GAB1: variants seen among roughly 807,000 people sequenced by gnomAD.
The protein encoded by GAB1 is GRB2 associated binding protein 1, also known as GRB2-associated-binding protein 1.
A neutral mutation model predicts 66.5 loss-of-function variants in GAB1; 19 were observed. The observed-to-expected ratio is 0.29, with a 90% confidence interval of 0.20 to 0.42. GAB1 has a LOEUF of 0.42. GAB1 is among the 10% of genes least tolerant of loss of function. The pLI is 1.00. For missense variants in GAB1, 732 were observed against 858.5 expected (o/e 0.85, Z 1.84); for synonymous variants, 294 against 301.4 (o/e 0.98, Z 0.25).
intron 1 of GAB1, among the ~76,000 whole-genome samples, chr4:143,414,407 G>A (rs1351456622): frequency 6.6e-6 from 1 of 152,144 alleles, no homozygotes; most frequent in Non-Finnish European, 1.5e-5. Context: ...GCTTCTCTAG[G>A]TATAGTATTA....
intron 1 of GAB1, among the ~76,000 whole-genome samples, chr4:143,390,925 C>T (rs1015747064): frequency 6.6e-6 from 1 of 152,076 alleles, no homozygotes. Context: ...AGGCAGCATG[C>T]GCAATGTCTT....
At chr4:143,378,629 G>GTCTCTCTCTCTCTCTCTCTCTCTCTC (rs3049720) in intron 1 of GAB1, among the ~76,000 whole-genome samples, 1 of 129,150 alleles carries the variant, frequency 7.7e-6, no homozygotes, top group Non-Finnish European at 1.6e-5. Context: ...CTTCCAAAGT[G>GTCTCTCTCTCTCTCTCTCTCTCTCTC]TCTCTCTCTC....
chr4:143,449,102 G>C (rs1490326293), intron 6 of GAB1, among the ~76,000 whole-genome samples: 3 of 145,844 alleles, frequency 2.1e-5, no homozygotes, highest in Admixed American at 1.3e-4. Context: ...GAGCAGTTTT[G>C]AGTGAGTTTC....
At chr4:143,392,202 G>A (rs1731219077) in intron 1 of GAB1, among the ~76,000 whole-genome samples, 1 of 152,050 alleles carries the variant, frequency 6.6e-6, no homozygotes, top group South Asian at 2.1e-4. Context: ...AAGTTAATAG[G>A]GAAGAAAGTA....
At chr4:143,364,718 C>T (rs2149659926) in intron 1 of GAB1, among the ~76,000 whole-genome samples, 1 of 152,072 alleles carries the variant, frequency 6.6e-6, no homozygotes, top group South Asian at 2.1e-4. Context: ...TGATTCCTTT[C>T]TCTTCACTCC....
At chr4:143,337,347 C>G in intron 1 of GAB1, 87 bp downstream of exon 1, 3 of 1,144,606 alleles carry the variant, frequency 2.6e-6, no homozygotes, top group South Asian at 2.7e-5. Context: ...GCTGGCCGCG[C>G]GCGGGGCTGG....
At chr4:143,407,905 A>C (rs1236531935) in intron 1 of GAB1, among the ~76,000 whole-genome samples, 2 of 152,186 alleles carry the variant, frequency 1.3e-5, no homozygotes, top group African/African-American at 2.4e-5. Context: ...TAATTCCTAA[A>C]GTGCTTATTT....
At chr4:143,343,860 C>G (rs891968020) in intron 1 of GAB1, among the ~76,000 whole-genome samples, 10 of 152,136 alleles carry the variant, frequency 6.6e-5, no homozygotes, top group Admixed American at 4.6e-4. Flanking sequence ...TCCCAGCACC[C>G]CAGTTTCATG....
chr4:143,452,878 A>G (rs771072174), intron 6 of GAB1, among the ~76,000 whole-genome samples: 1 of 152,180 alleles, frequency 6.6e-6, no homozygotes, highest in Non-Finnish European at 1.5e-5. Flanking sequence ...TTATTCTCAG[A>G]ATTTAAGAGT....
chr4:143,383,433 G>A (rs1284919353), intron 1 of GAB1, among the ~76,000 whole-genome samples: 1 of 152,152 alleles, frequency 6.6e-6, no homozygotes, highest in Non-Finnish European at 1.5e-5. Context: ...TTTATGCTTA[G>A]TTCCTTTAAA....
At chr4:143,429,766 T>C (rs1287556296) in intron 2 of GAB1, among the ~76,000 whole-genome samples, 1 of 152,232 alleles carries the variant, frequency 6.6e-6, no homozygotes, top group East Asian at 1.9e-4. Context: ...AATTGCATCC[T>C]GTTGCAAAAG....
intron 2 of GAB1, among the ~76,000 whole-genome samples, chr4:143,423,675 G>A (rs1048801924): frequency 6.6e-6 from 1 of 150,518 alleles, no homozygotes; most frequent in Non-Finnish European, 1.5e-5. Context: ...TACTCGGGAG[G>A]CTGAGGCAGG....
At chr4:143,374,814 T>C (rs1401188633) in intron 1 of GAB1, among the ~76,000 whole-genome samples, 2 of 152,226 alleles carry the variant, frequency 1.3e-5, no homozygotes, top group African/African-American at 4.8e-5. Flanking sequence ...CAAAGTATTC[T>C]AGGAAGCAAG....
chr4:143,452,822 C>T (rs1272014313), intron 6 of GAB1, among the ~76,000 whole-genome samples: 1 of 152,214 alleles, frequency 6.6e-6, no homozygotes, highest in Non-Finnish European at 1.5e-5. Flanking sequence ...CAAGTTGTAA[C>T]TAACTGCCTT....
At chr4:143,370,224 G>T (rs1730057863) in intron 1 of GAB1, among the ~76,000 whole-genome samples, 1 of 152,194 alleles carries the variant, frequency 6.6e-6, no homozygotes, top group African/African-American at 2.4e-5. Context: ...GAAAGAGGAG[G>T]AAATGTTATC....
intron 1 of GAB1, among the ~76,000 whole-genome samples, chr4:143,401,146 A>C (rs988638568): frequency 2.6e-5 from 4 of 152,288 alleles, no homozygotes; most frequent in Non-Finnish European, 5.9e-5. Context: ...GATAACTATA[A>C]GTAGATTGTC....
chr4:143,367,552 CTTT>C (rs33926534), intron 1 of GAB1, among the ~76,000 whole-genome samples: 15 of 141,134 alleles, frequency 1.1e-4, no homozygotes, highest in African/African-American at 1.8e-4. Flanking sequence ...TAAATGTTTG[CTTT>C]TTTTTTTTTT....
intron 1 of GAB1, among the ~76,000 whole-genome samples, chr4:143,377,191 A>C (rs1730458826): frequency 6.6e-6 from 1 of 151,956 alleles, no homozygotes; most frequent in Non-Finnish European, 1.5e-5. Context: ...AAAGTTGTGG[A>C]TGAATCCATT....
intron 1 of GAB1, chr4:143,349,743 A>G (rs1729119460): frequency 6.3e-7 from 1 of 1,588,048 alleles, no homozygotes; most frequent in African/African-American, 1.3e-5. Flanking sequence ...TAACACCCAG[A>G]CCGACGTGGC....
Sources: allele counts gnomAD v4.1 joint callset (sites outside exome capture counted in the v4.1 genomes callset), GRCh38; gene constraint gnomAD v4.1.1; transcripts MANE v1.5; gene names NCBI Gene and HGNC (gene_info 2026-07-23, HGNC 2026-07-21).